Variants in LAMA2 observed in about 807,000 individuals in gnomAD.
LAMA2 encodes the protein laminin subunit alpha-2.
LAMA2 carries 269 observed loss-of-function variants against 364.8 expected under a neutral mutation model. That is an observed-to-expected ratio of 0.74 (90% CI 0.67 to 0.82). LAMA2 has a LOEUF of 0.82. Ranked by LOEUF, LAMA2 falls within the 40% of genes least tolerant of loss-of-function variation. The pLI, the probability that LAMA2 is intolerant of heterozygous loss-of-function variation, is 0.00. For missense variants in LAMA2, 3,807 were observed against 3,873.2 expected (o/e 0.98, Z 0.45); for synonymous variants, 1,379 against 1,370.6 (o/e 1.01, Z -0.14).
In LAMA2 at chr6:128,958,738, C is replaced by T. The variant is rs145707485; in HGVS notation, c.112+75381C>T. On this transcript the variant is annotated intron_variant, in intron 1 of 64. Coordinates refer to ENST00000421865, the MANE Select transcript of LAMA2 (RefSeq NM_000426.4). ...TTAATTGTATCTAAGTAATACCTTT[C>T]GAAGAGTCAAATAATACAGAAAAGC... is the stretch of plus-strand genomic sequence containing the variant. Among the ~76,000 whole-genome samples the T allele has an allele frequency of 8.9e-4, 136 of 152,126 alleles. 3 individuals carry two copies. The East Asian group carries it at 0.023, about 26-fold the overall frequency.
At chr6:128,940,030 C>T (rs1039111774) in intron 1 of LAMA2, among the ~76,000 whole-genome samples, 1 of 152,082 alleles carries the variant, frequency 6.6e-6, no homozygotes, top group African/African-American at 2.4e-5. Flanking sequence ...AAAAAAAGAC[C>T]AAAAATGTTC....
At chr6:129,305,633 G>C (rs1375287253) in intron 22 of LAMA2, among the ~76,000 whole-genome samples, 1 of 152,082 alleles carries the variant, frequency 6.6e-6, no homozygotes, top group Non-Finnish European at 1.5e-5. Context: ...GTGTGAGAGA[G>C]AGACAGAGAG....
At chr6:129,062,879 T>C (rs1789023731) in intron 3 of LAMA2, among the ~76,000 whole-genome samples, 1 of 151,708 alleles carries the variant, frequency 6.6e-6, no homozygotes, top group African/African-American at 2.4e-5. Context: ...AACGATTGCA[T>C]TTATTTGATT....
intron 51 of LAMA2, among the ~76,000 whole-genome samples, chr6:129,469,763 A>G (rs1005287857): frequency 5.9e-5 from 9 of 151,942 alleles, no homozygotes; most frequent in Non-Finnish European, 1.2e-4. Flanking sequence ...CTAGCAATAA[A>G]ATACTCAGCA....
chr6:129,090,294 C>G (rs764951580), intron 3 of LAMA2, among the ~76,000 whole-genome samples: 4 of 152,138 alleles, frequency 2.6e-5, no homozygotes, highest in Non-Finnish European at 5.9e-5. Flanking sequence ...TATTGGGAAG[C>G]AAATTCCATA....
chr6:129,244,034 C>G (rs1438204240), intron 12 of LAMA2, among the ~76,000 whole-genome samples: 1 of 152,006 alleles, frequency 6.6e-6, no homozygotes, highest in East Asian at 1.9e-4. Flanking sequence ...TTTATATCCC[C>G]TGGACTGCAT....
chr6:129,513,717 A>C (rs1228079693), intron 63 of LAMA2, among the ~76,000 whole-genome samples: 2 of 152,158 alleles, frequency 1.3e-5, no homozygotes, highest in Non-Finnish European at 2.9e-5. Flanking sequence ...GGGCTTTTCC[A>C]CATTACTAAA....
intron 51 of LAMA2, among the ~76,000 whole-genome samples, chr6:129,472,954 A>G (rs1278680551): frequency 6.6e-6 from 1 of 152,024 alleles, no homozygotes. Context: ...ATGTTCAGTT[A>G]TAGTTATCTC....
intron 2 of LAMA2, 43 bp from the exon 3 acceptor site, chr6:129,059,741 G>T: frequency 1.7e-6 from 2 of 1,210,228 alleles, no homozygotes; most frequent in South Asian, 2.4e-5. Context: ...CTAGTTATAT[G>T]ATCTTTTCTT....
At chr6:129,447,158 A>G (rs1782429075) in intron 45 of LAMA2, among the ~76,000 whole-genome samples, 1 of 152,264 alleles carries the variant, frequency 6.6e-6, no homozygotes, top group Non-Finnish European at 1.5e-5. Flanking sequence ...AGACGAATAA[A>G]GGAGTTCTTT....
intron 9 of LAMA2, among the ~76,000 whole-genome samples, chr6:129,169,218 G>A (rs1779970701): frequency 6.7e-6 from 1 of 149,154 alleles, no homozygotes; most frequent in Non-Finnish European, 1.5e-5. Flanking sequence ...AGCGGTGAGA[G>A]AGGGCATCCC....
chr6:129,064,715 G>A (rs1312895658), intron 3 of LAMA2, among the ~76,000 whole-genome samples: 2 of 152,080 alleles, frequency 1.3e-5, no homozygotes, highest in African/African-American at 2.4e-5. Context: ...ACTGAATCAT[G>A]AAGAAATAGA....
In LAMA2 at chr6:129,494,743, T is replaced by C. The variant is rs537751216; in HGVS notation, c.8244+2260T>C. On this transcript the variant is annotated intron_variant, in intron 58 of 64. Transcript: ENST00000421865. ...GCATTCCTGAGATCTGCCACATGGATTTCAGAATGTTTCCTCAGCTCTTTC... is the reference window on the plus strand; with the variant it reads ...GCATTCCTGAGATCTGCCACATGGACTTCAGAATGTTTCCTCAGCTCTTTC... 8.3e-4 allele frequency among the ~76,000 whole-genome samples: 127 copies of C among 152,314 alleles called. 1 individual carries two copies. The highest frequency in any genetic ancestry group is 3.0e-3 in the African/African-American group (123 of 41,576).
chr6:128,962,139 CATATATATATATATATATATATATATAT>C (rs55906092), intron 1 of LAMA2, among the ~76,000 whole-genome samples: 21 of 38,100 alleles, frequency 5.5e-4, no homozygotes, highest in South Asian at 3.8e-3. Context: ...TCCTCTGGAC[CATATATATATATATATATATATATATAT>C]ATATATATAT....
chr6:129,446,172 A>C (rs1231724902), intron 45 of LAMA2, among the ~76,000 whole-genome samples: 1 of 152,012 alleles, frequency 6.6e-6, no homozygotes, highest in Non-Finnish European at 1.5e-5. Context: ...TGCTAAAAAC[A>C]AACCAAAAAA....
At chr6:129,137,274 T>C (rs1441115311) in intron 4 of LAMA2, among the ~76,000 whole-genome samples, 3 of 152,072 alleles carry the variant, frequency 2.0e-5, no homozygotes, top group African/African-American at 7.2e-5. Flanking sequence ...AAAAGACCTT[T>C]ATTAAAGACC....
chr6:129,304,616 T>C (rs549961836), intron 22 of LAMA2, among the ~76,000 whole-genome samples: 1 of 152,354 alleles, frequency 6.6e-6, no homozygotes, highest in Non-Finnish European at 1.5e-5. Flanking sequence ...TTTGTAATCC[T>C]TTTTCTCTAA....
chr6:129,416,704 A>G (rs1780808998), intron 40 of LAMA2, among the ~76,000 whole-genome samples: 1 of 151,728 alleles, frequency 6.6e-6, no homozygotes, highest in South Asian at 2.1e-4. Context: ...GCTGAGGTCC[A>G]CTGGGCACAT....
At chr6:128,883,412 ACTT>A (rs1211271312) in intron 1 of LAMA2, 55 bp downstream of exon 1, 11 of 1,546,308 alleles carry the variant, frequency 7.1e-6, no homozygotes, top group Non-Finnish European at 8.7e-6. Flanking sequence ...GAGATTCCTC[ACTT>A]CTTCCACTCT....
Sources: gnomAD v4.1 joint callset for allele counts (sites outside exome capture counted in the v4.1 genomes callset) on GRCh38, gnomAD v4.1.1 for gene constraint, MANE v1.5 for transcripts, NCBI Gene and HGNC (gene_info 2026-07-23, HGNC 2026-07-21) for gene names.